Variants in PDE1C observed in about 807,000 individuals in gnomAD.
The protein encoded by PDE1C is phosphodiesterase 1C.
A neutral mutation model predicts 93.1 loss-of-function variants in PDE1C; 62 were observed. That is an observed-to-expected ratio of 0.67 (90% confidence interval 0.54 to 0.82). The LOEUF (loss-of-function observed/expected upper bound fraction) is 0.82, where lower values mean the gene tolerates loss of function less well. Among genes scored for constraint, PDE1C ranks in the 40% least tolerant of loss-of-function variants. The pLI, the probability that PDE1C is intolerant of heterozygous loss-of-function variation, is 0.00. For missense variants in PDE1C, 742 were observed against 884.6 expected (o/e 0.84, Z 2.04); for synonymous variants, 325 against 310.1 (o/e 1.05, Z -0.50).
chr7:32,185,247 G>GAAAAAAAAAAAAAAAAAAAAAAAAA (rs60570476), intron 2 of PDE1C, among the ~76,000 whole-genome samples: 1 of 101,588 alleles, frequency 9.8e-6, no homozygotes. Context: ...CTCTGTCTCA[G>GAAAAAAAAAAAAAAAAAAAAAAAAA]AAAAAAAAAA....
intron 3 of PDE1C, among the ~76,000 whole-genome samples, chr7:32,091,035 G>A (rs1797441241): frequency 6.6e-6 from 1 of 152,230 alleles, no homozygotes; most frequent in Non-Finnish European, 1.5e-5. Context: ...CATGTTATAT[G>A]TGTTCTTGCA....
chr7:31,953,881 T>C (rs148141832), intron 2 of PDE1C, among the ~76,000 whole-genome samples: 89 of 152,214 alleles, frequency 5.8e-4, no homozygotes, highest in African/African-American at 1.9e-3. Context: ...GCTGGAGAAA[T>C]AGAGTATCTT....
chr7:31,794,089 C>CAGACAGATAGATAGAT (rs1562808129), intron 16 of PDE1C, among the ~76,000 whole-genome samples: 3 of 136,158 alleles, frequency 2.2e-5, no homozygotes, highest in Admixed American at 7.2e-5. Flanking sequence ...GACAGACAGA[C>CAGACAGATAGATAGAT]AGATAGATAG....
At chr7:32,218,958 A>C (rs1171563547) in intron 1 of PDE1C, among the ~76,000 whole-genome samples, 1 of 152,190 alleles carries the variant, frequency 6.6e-6, no homozygotes, top group Non-Finnish European at 1.5e-5. Context: ...CCTCATCCTC[A>C]GGTAGCCAGG....
chr7:32,043,841 G>A (rs527831036), intron 2 of PDE1C, among the ~76,000 whole-genome samples: 4 of 152,274 alleles, frequency 2.6e-5, no homozygotes, highest in African/African-American at 4.8e-5. Context: ...CCTCTACACC[G>A]GCCAGTGTGA....
intron 2 of PDE1C, among the ~76,000 whole-genome samples, chr7:31,935,256 A>T (rs1349741056): frequency 6.6e-6 from 1 of 152,192 alleles, no homozygotes; most frequent in Admixed American, 6.5e-5. Flanking sequence ...TCCTTTGTTC[A>T]ACTGAAATCA....
chr7:31,856,992 C>T (rs192961978), intron 7 of PDE1C, among the ~76,000 whole-genome samples: 6 of 152,240 alleles, frequency 3.9e-5, no homozygotes, highest in Admixed American at 3.3e-4. Flanking sequence ...CCTGCAAGTG[C>T]ATGTCTGTGT....
At chr7:32,051,440 C>A (rs1793345350) in intron 2 of PDE1C, 114 bp downstream of exon 2, 1 of 991,546 alleles carries the variant, frequency 1.0e-6, no homozygotes, top group Non-Finnish European at 1.6e-6. Flanking sequence ...ACGCAACATG[C>A]TGAGAAAGAA....
At chr7:32,096,476 A>G (rs551443884) in intron 3 of PDE1C, among the ~76,000 whole-genome samples, 1 of 152,314 alleles carries the variant, frequency 6.6e-6, no homozygotes, top group East Asian at 1.9e-4. Context: ...TTCCCCTGAC[A>G]TCTTGTCAAT....
chr7:32,388,843 G>A (rs866650417), intron 1 of PDE1C, among the ~76,000 whole-genome samples: 7 of 152,058 alleles, frequency 4.6e-5, no homozygotes, highest in South Asian at 2.1e-4. Context: ...GGGGGAAACC[G>A]TCTAGAGAAT....
chr7:32,109,391 C>T (rs2392024), intron 3 of PDE1C, among the ~76,000 whole-genome samples: 52,676 of 151,880 alleles, frequency 0.35, 9,547 homozygotes, highest in African/African-American at 0.45. Flanking sequence ...TTGATTCCAA[C>T]TTTGTTTTTT....
intron 3 of PDE1C, among the ~76,000 whole-genome samples, chr7:32,108,230 C>CAAAAAAAAAAAA (rs71559210): frequency 2.6e-5 from 2 of 77,058 alleles, no homozygotes; most frequent in African/African-American, 5.1e-5. Flanking sequence ...AAAAGCAAGA[C>CAAAAAAAAAAAA]AAAAAAAAAA....
At chr7:31,745,385 C>A in the PDE1C span, among the ~76,000 whole-genome samples, 7 of 152,150 alleles carry the variant, frequency 4.6e-5, no homozygotes, top group Admixed American at 1.3e-4. Context: ...CTATGTTGAT[C>A]ACTACGGAGG....
At chr7:32,099,082 T>G (rs1033150430) in intron 3 of PDE1C, among the ~76,000 whole-genome samples, 3 of 152,214 alleles carry the variant, frequency 2.0e-5, no homozygotes, top group Admixed American at 6.5e-5. Context: ...CAGCAATTAA[T>G]TATTCTGAAA....
intron 17 of PDE1C, among the ~76,000 whole-genome samples, chr7:31,769,354 T>C (rs1268835394): frequency 1.3e-5 from 2 of 152,234 alleles, no homozygotes; most frequent in Non-Finnish European, 2.9e-5. Flanking sequence ...ATTTAAGGTT[T>C]CCTCACCCTT....
chr7:31,669,183 A>G, the PDE1C span, among the ~76,000 whole-genome samples: 1 of 152,154 alleles, frequency 6.6e-6, no homozygotes, highest in Admixed American at 6.5e-5. Flanking sequence ...ATGCAGTAAG[A>G]CCAGCCAGTA....
At chr7:31,669,690 C>A in the PDE1C span, among the ~76,000 whole-genome samples, 2 of 152,082 alleles carry the variant, frequency 1.3e-5, no homozygotes, top group African/African-American at 2.4e-5. Context: ...GGGTTATTTG[C>A]TTTGTGCAAA....
the PDE1C span, among the ~76,000 whole-genome samples, chr7:31,705,228 C>G: frequency 6.6e-6 from 1 of 152,050 alleles, no homozygotes; most frequent in Non-Finnish European, 1.5e-5. Flanking sequence ...GGAGCAGATT[C>G]TCATATGATT....
intron 1 of PDE1C, among the ~76,000 whole-genome samples, chr7:32,265,783 G>A (rs1246927175): frequency 6.6e-6 from 1 of 152,142 alleles, no homozygotes. Context: ...CAGAAATGAA[G>A]AACACTTGGT....
Sources: gnomAD v4.1 joint callset for allele counts (sites outside exome capture counted in the v4.1 genomes callset) on GRCh38, gnomAD v4.1.1 for gene constraint, MANE v1.5 for transcripts, NCBI Gene and HGNC (gene_info 2026-07-23, HGNC 2026-07-21) for gene names.